NCOA7: variants seen among roughly 807,000 people sequenced by gnomAD.
The protein encoded by NCOA7 is 140 kDa estrogen receptor-associated protein.
In NCOA7, 45 loss-of-function variants were observed where a neutral mutation model predicts 104.3. That is an observed-to-expected ratio of 0.43 (90% CI 0.34 to 0.55). NCOA7 has a LOEUF of 0.55. Ranked by LOEUF, NCOA7 falls within the 20% of genes least tolerant of loss-of-function variation. NCOA7 has a pLI of 0.02. For synonymous variants in NCOA7, 398 were observed against 402.3 expected (o/e 0.99, Z 0.13); for missense variants, 1,041 against 1,119.7 (o/e 0.93, Z 1.00).
intron 1 of NCOA7, among the ~76,000 whole-genome samples, chr6:125,794,097 C>A (rs1042339333): frequency 1.3e-5 from 2 of 152,132 alleles, no homozygotes; most frequent in African/African-American, 4.8e-5. Flanking sequence ...TTAACACCCC[C>A]CCATATGCCC....
At chr6:125,923,665 A>G (rs1787780985) in intron 13 of NCOA7, among the ~76,000 whole-genome samples, 1 of 152,252 alleles carries the variant, frequency 6.6e-6, no homozygotes, top group Admixed American at 6.5e-5. Flanking sequence ...GATTTTACTC[A>G]ACATTTATTC....
chr6:125,849,544 T>C (rs1030393996), intron 2 of NCOA7, among the ~76,000 whole-genome samples: 10 of 152,204 alleles, frequency 6.6e-5, no homozygotes, highest in African/African-American at 2.2e-4. Flanking sequence ...TCTTATTCTT[T>C]TTTTGCACTT....
rs1420056906 is a variant in NCOA7 at position 125,917,066 on chromosome 6, A to C, written c.2244+1586A>C. On this transcript the variant is annotated intron_variant, in intron 11 of 15. Coordinates refer to ENST00000392477, the MANE Select transcript of NCOA7 (RefSeq NM_181782.5). ...TGGATACTCTGTGCTTAAAAGCTTC[A>C]GTGGCCTCCTTATTGACTCTGCTGA... Among the ~76,000 whole-genome samples the C allele has an allele frequency of 2.0e-5, 3 of 152,170 alleles. No individual in the cohort carries two copies. The South Asian group carries it at 6.2e-4, about 32-fold the overall frequency.
intron 1 of NCOA7, among the ~76,000 whole-genome samples, chr6:125,792,994 A>G (rs1282747104): frequency 6.6e-6 from 1 of 152,058 alleles, no homozygotes; most frequent in Non-Finnish European, 1.5e-5. Flanking sequence ...TTCACTTCAT[A>G]TTACTCAAAT....
At chr6:125,841,054 A>G (rs1472308975) in intron 2 of NCOA7, among the ~76,000 whole-genome samples, 3 of 151,096 alleles carry the variant, frequency 2.0e-5, no homozygotes, top group Admixed American at 6.6e-5. Flanking sequence ...CACTGTGCCC[A>G]GCTAATTTTT....
intron 1 of NCOA7, among the ~76,000 whole-genome samples, chr6:125,814,049 C>G (rs894293061): frequency 1.3e-5 from 2 of 152,176 alleles, no homozygotes; most frequent in African/African-American, 2.4e-5. Flanking sequence ...TGGGACTTAT[C>G]ACACTCCCTT....
chr6:125,813,473 C>T (rs1449723211), intron 1 of NCOA7, among the ~76,000 whole-genome samples: 13 of 141,946 alleles, frequency 9.2e-5, no homozygotes, highest in African/African-American at 2.4e-4. Context: ...TTTTTTTAGA[C>T]GGAGTTTTGC....
Position 125,904,308 on chromosome 6 carries a change from G to A in NCOA7, c.2097-11025G>A, listed in dbSNP as rs530428005. Among the ~76,000 whole-genome samples the A allele has an allele frequency of 2.0e-4, 30 of 152,214 alleles. No homozygotes were observed. In the South Asian group the frequency reaches 6.0e-3, roughly 30 times the overall value. Reference sequence around the variant, plus strand: ...CCGATGCCCCTCAGCTGTTGTGTTGGCACTGTGCTAACATTTTTTTGTTTA... The same window carrying A: ...CCGATGCCCCTCAGCTGTTGTGTTGACACTGTGCTAACATTTTTTTGTTTA... On this transcript the variant is annotated intron_variant, in intron 10 of 15. Transcript: ENST00000392477.
intron 1 of NCOA7, among the ~76,000 whole-genome samples, chr6:125,784,773 G>GA (rs1376057498): frequency 6.6e-6 from 1 of 152,058 alleles, no homozygotes; most frequent in African/African-American, 2.4e-5. Flanking sequence ...ACTGAATGAG[G>GA]AAAAAAGCCA....
chr6:125,878,499 T>C (rs565647949), intron 5 of NCOA7, 129 bp downstream of exon 5: 2 of 601,880 alleles, frequency 3.3e-6, no homozygotes, highest in African/African-American at 3.9e-5. Flanking sequence ...CAATATTTTC[T>C]CTCCTTTATT....
At chr6:125,792,585 A>G (rs912989376) in intron 1 of NCOA7, among the ~76,000 whole-genome samples, 10 of 152,172 alleles carry the variant, frequency 6.6e-5, no homozygotes, top group African/African-American at 2.4e-4. Context: ...ATCACAGGCA[A>G]AAGTAGAAAT....
chr6:125,782,378 A>C (rs1774266393), intron 1 of NCOA7, among the ~76,000 whole-genome samples: 1 of 152,254 alleles, frequency 6.6e-6, no homozygotes, highest in African/African-American at 2.4e-5. Flanking sequence ...ACACCGTATT[A>C]TGCATCTACT....
At chr6:125,821,939 C>T (rs572680310) in intron 2 of NCOA7, among the ~76,000 whole-genome samples, 79 of 152,296 alleles carry the variant, frequency 5.2e-4, no homozygotes, top group Admixed American at 1.1e-3. Context: ...TGATCTGCAG[C>T]ACTGGTGGAG....
chr6:125,920,326 G>A (rs1337147692), intron 11 of NCOA7, among the ~76,000 whole-genome samples: 1 of 152,128 alleles, frequency 6.6e-6, no homozygotes, highest in Non-Finnish European at 1.5e-5. Context: ...AACCTTAAGA[G>A]AAAACATCAG....
At position 125,922,682 on chromosome 6, in the gene NCOA7, C is replaced by G. The variant is rs760577682; in HGVS notation, c.2371C>G (p.Leu791Val). 7.5e-6 allele frequency: 12 copies of G among 1,610,706 alleles called. No individual in the cohort carries two copies. The East Asian group carries it at 2.0e-4, about 27-fold the overall frequency. ...TACATCTCTTCCTTTGGCTTTGTAGCTGGCCCGACGCCTTCCTGCAAGGGT... is the reference window on the plus strand; with the variant it reads ...TACATCTCTTCCTTTGGCTTTGTAGGTGGCCCGACGCCTTCCTGCAAGGGT... ...ALLENMHIEQLARRLPARVQG... is the reference protein window; with the variant it reads ...ALLENMHIEQVARRLPARVQG... The change falls in exon 13 of 16, where the codon CTG (leucine) becomes GTG (valine). Residue 791 changes from leucine to valine, a missense_variant and splice_region_variant. Leu to Val is a conservative substitution (Grantham distance 32). Coordinates refer to ENST00000392477, the MANE Select transcript of NCOA7 (RefSeq NM_181782.5).
chr6:125,813,249 T>C (rs1285480210), intron 1 of NCOA7, among the ~76,000 whole-genome samples: 1 of 152,044 alleles, frequency 6.6e-6, no homozygotes, highest in Non-Finnish European at 1.5e-5. Context: ...CAAGGTGCAG[T>C]GAAGGGGGTG....
At chr6:125,838,367 C>CTAT (rs1779811343) in intron 2 of NCOA7, among the ~76,000 whole-genome samples, 1 of 151,964 alleles carries the variant, frequency 6.6e-6, no homozygotes, top group Non-Finnish European at 1.5e-5. Context: ...TAGGTGGCAG[C>CTAT]CATCAGAGAG....
At chr6:125,914,908 A>G (rs1045902335) in intron 10 of NCOA7, among the ~76,000 whole-genome samples, 1 of 152,212 alleles carries the variant, frequency 6.6e-6, no homozygotes, top group Non-Finnish European at 1.5e-5. Context: ...ATTACAATGC[A>G]ATAGTACTTT....
At chr6:125,791,420 T>A (rs183614829) in intron 1 of NCOA7, among the ~76,000 whole-genome samples, 1 of 152,368 alleles carries the variant, frequency 6.6e-6, no homozygotes, top group Admixed American at 6.5e-5. Context: ...TATGTCACTG[T>A]GTTTTTCCGG....
Sources: allele counts gnomAD v4.1 joint callset (sites outside exome capture counted in the v4.1 genomes callset), GRCh38; gene constraint gnomAD v4.1.1; transcripts MANE v1.5; gene names NCBI Gene and HGNC (gene_info 2026-07-23, HGNC 2026-07-21).